The following TTN variants were observed in gnomAD, a reference collection of about 807,000 sequenced individuals.
The protein encoded by TTN is connectin.
A neutral mutation model predicts 3,223.0 loss-of-function variants in TTN; 1,525 were observed. The observed-to-expected ratio is 0.47, with a 90% CI of 0.45 to 0.49. The LOEUF (loss-of-function observed/expected upper bound fraction) is 0.49. TTN is among the 20% of genes least tolerant of loss of function. The pLI is 0.00. For missense variants in TTN, 40,786 were observed against 43,424.0 expected (o/e 0.94, Z 5.40); for synonymous variants, 14,094 against 15,161.0 (o/e 0.93, Z 5.17).
chr2:178,790,794 C>T lies in TTN; in HGVS notation c.1714G>A (p.Ala572Thr). The T allele has an allele frequency of 6.2e-7, 1 of 1,614,110 alleles. No homozygotes were observed. The highest frequency in any genetic ancestry group is 8.5e-7 in the Non-Finnish European group (1 of 1,179,986). The change falls in exon 11 of 363, where the codon GCA becomes ACA. Residue 572 changes from alanine (A) to threonine (T), a missense_variant. By Grantham distance (58) the Ala-to-Thr change is moderately conservative. Transcript: ENST00000589042. Reference sequence around the variant, plus strand: ...ACTGTTTCTAGTTTTGTGGACTTTGCAGTGGCAACTACCACCATGGATGCA... The same window carrying T: ...ACTGTTTCTAGTTTTGTGGACTTTGTAGTGGCAACTACCACCATGGATGCA... Reference protein sequence around the residue: ...TAASMVVVATAKSTKLETVPG... With the variant: ...TAASMVVVATTKSTKLETVPG...
chr2:178,550,232 G>A lies in TTN; in HGVS notation c.91606C>T (p.Leu30536Phe), dbSNP rs1177911560. The A allele has an allele frequency of 6.2e-7, 1 of 1,613,200 alleles. No individual in the cohort carries two copies. The highest frequency in any genetic ancestry group is 2.2e-5 in the East Asian group (1 of 44,850). Residue 30536 changes from leucine to phenylalanine, a missense_variant, in exon 337 of 363, where the codon CTC (leucine) becomes TTC (phenylalanine). Coordinates refer to ENST00000589042, the MANE Select transcript of TTN (RefSeq NM_001267550.2). ...AGGCTCTCTCCGGACTTAATAATGA[G>A]ACCATCAAAGTATTCAGGGCCAAAC... Reference protein sequence around the residue: ...VEFGPEYFDGLIIKSGESLRI... With the variant: ...VEFGPEYFDGFIIKSGESLRI...
chr2:178,695,769 C>T (rs2073589094), intron 114 of TTN, 96 bp downstream of exon 114: 1 of 1,005,644 alleles, frequency 9.9e-7, no homozygotes. Context: ...TTAACTATTT[C>T]ACATAAACTG....
In TTN at chr2:178,782,422, A is replaced by G. The variant is rs145940356; in HGVS notation, c.3170T>C (p.Val1057Ala). 3.9e-5 allele frequency: 63 copies of G among 1,614,100 alleles called. No homozygotes were observed. The African/African-American group carries it at 7.3e-4, about 19-fold the overall frequency. Reference sequence around the variant, plus strand: ...AGTCATAACCACATCTCTTGACTCAACAAAGCTGGAAAGAGAATTCCCCTC... The same window carrying G: ...AGTCATAACCACATCTCTTGACTCAGCAAAGCTGGAAAGAGAATTCCCCTC... ...EKFTTEEKRF[V>A]ESRDVVMTDT... Residue 1057 changes from valine (V) to alanine (A), a missense_variant, in exon 20 of 363, where the codon GTT becomes GCT. Coordinates refer to ENST00000589042, the MANE Select transcript of TTN (RefSeq NM_001267550.2).
chr2:178,730,272 A>C lies in TTN; in HGVS notation c.18128T>G (p.Ile6043Arg), dbSNP rs1395649449. 6.2e-7 allele frequency: 1 copy of C among 1,612,880 alleles called. No individual in the cohort carries two copies. Among genetic ancestry groups the C allele is most frequent in the East Asian group, 2.2e-5 (1 of 44,708 alleles). ...ALVGGTAPMTIKWFKDNKELH... is the reference protein window; with the variant it reads ...ALVGGTAPMTRKWFKDNKELH... Reference sequence around the variant, plus strand: ...CTCTTTGTTATCTTTAAACCACTTTATTGTCATGGGTGCAGTGCCACCCAC... The same window carrying C: ...CTCTTTGTTATCTTTAAACCACTTTCTTGTCATGGGTGCAGTGCCACCCAC... Residue 6043 changes from isoleucine to arginine, a missense_variant, in exon 62 of 363, where the codon ATA (isoleucine) becomes AGA (arginine). Coordinates refer to ENST00000589042, the MANE Select transcript of TTN (RefSeq NM_001267550.2).
intron 295 of TTN, 24 bp downstream of exon 295, chr2:178,595,483 A>G: frequency 6.6e-7 from 1 of 1,504,954 alleles, no homozygotes; most frequent in Non-Finnish European, 9.0e-7. Context: ...GTGATTAAGT[A>G]TACATTTTTT....
At position 178,709,782 on chromosome 2, in the gene TTN, G is replaced by A. The variant is rs143420988; in HGVS notation, c.28537C>T (p.Leu9513Phe). The change falls in exon 99 of 363, where the codon CTT becomes TTT. Residue 9513 changes from leucine to phenylalanine, a missense_variant. Coordinates refer to ENST00000589042, the MANE Select transcript of TTN (RefSeq NM_001267550.2). ...TGGGAACCAGCCACACGTCCCTCAA[G>A]TTTGAAAGAATTCCCTTCTGTTTCT... ...VEETEGNSFK[L>F]EGRVAGSQPI... 6.2e-7 allele frequency: 1 copy of A among 1,613,752 alleles called. No homozygotes were observed. The highest frequency in any genetic ancestry group is 1.3e-5 in the African/African-American group (1 of 75,026).
Position 178,629,390 on chromosome 2 carries a change from C to T in TTN, c.44335G>A (p.Glu14779Lys), listed in dbSNP as rs1262894259. The T allele has an allele frequency of 6.2e-7, 1 of 1,612,912 alleles. No individual in the cohort carries two copies. The highest frequency in any genetic ancestry group is 1.7e-5 in the Admixed American group (1 of 59,980). Residue 14779 changes from glutamate (E) to lysine (K), a missense_variant, in exon 240 of 363, where the codon GAA becomes AAA. Physicochemically the swap from Glu to Lys is moderately conservative, Grantham distance 56 (BLOSUM62 1). Coordinates refer to ENST00000589042, the MANE Select transcript of TTN (RefSeq NM_001267550.2). ...AGCTCGCAGTCGAAGGTGGCTGTTT[C>T]CCCTGCAGTCACGGTGACATCCTTT... ...PLKDVTVTAG[E>K]TATFDCELSY... is the part of the protein sequence containing the mutation.
In TTN at chr2:178,728,073, G is replaced by A. The variant is rs775481342; in HGVS notation, c.19714+37C>T. The A allele has an allele frequency of 1.2e-4, 177 of 1,513,604 alleles. 1 individual carries two copies. In the East Asian group the frequency reaches 2.3e-3, roughly 20 times the overall value. The allele number at this position is 1,513,604 out of a possible 1,614,324, so 93.8% of individuals were successfully genotyped here. A position where few individuals can be genotyped will look rare whatever the true frequency, so the allele number is the denominator to read the frequency against. ...AGAGTGATACATTTAAGAAGCATTC[G>A]CAAGGAAGAATCAAGAAGAGGTAAA... On this transcript the variant is annotated intron_variant, in intron 67 of 362. Coordinates refer to ENST00000589042, the MANE Select transcript of TTN (RefSeq NM_001267550.2).
rs201586695 is a variant in TTN at position 178,725,968 on chromosome 2, G to A, written c.20354C>T (p.Ser6785Leu). ...TACCACCTCAAACGGTGGTGTTCCC[G>A]AAAGTTCACATTCAAGACTGACTTC... ...NAEVSLECEL[S>L]GTPPFEVVWY... Residue 6785 changes from serine to leucine, a missense_variant, in exon 70 of 363, where the codon TCG (serine) becomes TTG (leucine). By Grantham distance (145) the Ser-to-Leu change is moderately radical. Transcript: ENST00000589042. 7.5e-5 allele frequency: 121 copies of A among 1,611,376 alleles called. No individual in the cohort carries two copies. The highest frequency in any genetic ancestry group is 1.8e-4 in the Admixed American group (11 of 59,760).
Position 178,632,259 on chromosome 2 carries a change from T to C in TTN, c.43635A>G (p.Gln14545=). 1 of 1,609,422 alleles carries C rather than the reference T, an allele frequency of 6.2e-7. No homozygotes were observed. Among genetic ancestry groups the C allele is most frequent in the Non-Finnish European group, 8.5e-7 (1 of 1,177,742 alleles). ...RLHTTRSVSM[Q]DEGKTHSITF... ...TGATCGAATGAGTTTTCCCTTCGTC[T>C]TGCATTGAGACCGACCTGGTGGTGT... The change falls in exon 236 of 363, where the codon CAA becomes CAG. Residue 14545 remains glutamine, a synonymous_variant. Coordinates refer to ENST00000589042, the MANE Select transcript of TTN (RefSeq NM_001267550.2).
Position 178,635,667 on chromosome 2 carries a change from T to G in TTN, c.41657A>C (p.Lys13886Thr). 6.2e-7 allele frequency: 1 copy of G among 1,601,828 alleles called. No individual in the cohort carries two copies. The highest frequency in any genetic ancestry group is 8.5e-7 in the Non-Finnish European group (1 of 1,173,640). The change falls in exon 227 of 363, where the codon AAA becomes ACA. Residue 13886 changes from lysine to threonine, a missense_variant. By Grantham distance (78) the Lys-to-Thr change is moderately conservative. Coordinates refer to ENST00000589042, the MANE Select transcript of TTN (RefSeq NM_001267550.2). ...LVKPIRDQHV[K>T]PKGTAIFACD... ...GGCAAAAATAGCTGTCCCCTTGGGT[T>G]TCACATGCTGGTCTCGTATAGGTTT... is the stretch of plus-strand genomic sequence containing the variant.
In TTN at chr2:178,619,714, G is replaced by A. The variant is rs764654357; in HGVS notation, c.46603C>T (p.Arg15535Ter). The change falls in exon 250 of 363, where the codon CGA becomes TGA. Residue 15535 changes from arginine to a stop codon, truncating the protein, a stop_gained. Coordinates refer to ENST00000589042, the MANE Select transcript of TTN (RefSeq NM_001267550.2). LOFTEE classifies it high-confidence loss of function. Reference protein sequence around the residue: ...HQMMSEGKIHRLQICDIKPRD... With the variant: ...HQMMSEGKIH ...GGCTTAATATCACAAATCTGTAGTCGATGTATCTTTCCTTCACTCATCATC... is the reference window on the plus strand; with the variant it reads ...GGCTTAATATCACAAATCTGTAGTCAATGTATCTTTCCTTCACTCATCATC... 1.2e-6 allele frequency: 2 copies of A among 1,612,278 alleles called. No homozygotes were observed. The highest frequency in any genetic ancestry group is 1.7e-6 in the Non-Finnish European group (2 of 1,178,894).
chr2:178,774,750 A>G (rs2092005539), intron 29 of TTN, 171 bp downstream of exon 29: 3 of 873,808 alleles, frequency 3.4e-6, no homozygotes, highest in African/African-American at 1.7e-5. Context: ...CAAATGGTCA[A>G]ATTGTTAACA....
At position 178,751,353 on chromosome 2, in the gene TTN, T is replaced by C. The variant is rs1364176826; in HGVS notation, c.11311+1771A>G. On this transcript the variant is annotated intron_variant, in intron 47 of 362. Coordinates refer to ENST00000589042, the MANE Select transcript of TTN (RefSeq NM_001267550.2). ...TCACCTACATTAAGCCAACCTCTTA[T>C]GTCAGATTTACTTTCTAAATATTCT... The C allele has an allele frequency of 2.5e-6, 4 of 1,607,042 alleles. No homozygotes were observed. In the East Asian group the frequency reaches 8.9e-5, roughly 36 times the overall value.
chr2:178,754,546 A>T (rs2086430765), intron 46 of TTN, among the ~76,000 whole-genome samples: 1 of 151,726 alleles, frequency 6.6e-6, no homozygotes, highest in Non-Finnish European at 1.5e-5. Flanking sequence ...ATTCTTTAGG[A>T]AGTGAGTTAA....
intron 141 of TTN, 26 bp from the exon 142 acceptor site, chr2:178,679,442 G>A (rs1253401709): frequency 5.0e-6 from 8 of 1,608,966 alleles, no homozygotes; most frequent in Non-Finnish European, 6.8e-6. Context: ...TTATTGTTAA[G>A]TTCTAACTAC....
At chr2:178,750,457 G>T in intron 47 of TTN, 1 of 1,612,896 alleles carries the variant, frequency 6.2e-7, no homozygotes, top group Non-Finnish European at 8.5e-7. Context: ...GGATTGGCAT[G>T]TCATTGTTAT....
In TTN at chr2:178,554,541, A is replaced by C. The variant is rs1700590955; in HGVS notation, c.88806T>G (p.Asn29602Lys). 6.2e-7 allele frequency: 1 copy of C among 1,613,750 alleles called. No homozygotes were observed. Among genetic ancestry groups the C allele is most frequent in the Non-Finnish European group, 8.5e-7 (1 of 1,179,834 alleles). ...IITTTKIIKG[N>K]EYIFRVRAVN... ...CGGCTCGGACCCGGAAGATGTATTC[A>C]TTTCCTTTGATAATTTTGGTGGTTG... Residue 29602 changes from asparagine to lysine, a missense_variant, in exon 332 of 363, where the codon AAT (asparagine) becomes AAG (lysine). Transcript: ENST00000589042.
At chr2:178,641,394 T>A (rs1330317483) in intron 219 of TTN, 79 bp from the exon 220 acceptor site, 1 of 842,532 alleles carries the variant, frequency 1.2e-6, no homozygotes, top group Non-Finnish European at 1.8e-6. Context: ...ATGCAAATAA[T>A]GTACAAAGCA....
Sources: allele counts gnomAD v4.1 joint callset (sites outside exome capture counted in the v4.1 genomes callset), GRCh38; gene constraint gnomAD v4.1.1; transcripts MANE v1.5; gene names NCBI Gene and HGNC (gene_info 2026-07-23, HGNC 2026-07-21).